The following TMPRSS11F variants were observed in gnomAD, a reference collection of about 807,000 sequenced individuals.
TMPRSS11F encodes transmembrane protease serine 11F.
In TMPRSS11F, 47 loss-of-function variants were observed where a neutral mutation model predicts 60.2. That is an observed-to-expected ratio of 0.78 (90% CI 0.62 to 1.00). The LOEUF is 1.00. TMPRSS11F is among the 50% of genes least tolerant of loss of function. The probability of loss-of-function intolerance (pLI) is 0.00; values close to 1 mark genes in which losing one functional copy is unlikely to be tolerated. For missense variants in TMPRSS11F, 519 were observed against 522.9 expected (o/e 0.99, Z 0.07); for synonymous variants, 166 against 167.3 (o/e 0.99, Z 0.06).
intron 1 of TMPRSS11F, among the ~76,000 whole-genome samples, chr4:68,122,229 G>A (rs142399023): frequency 1.5e-4 from 23 of 152,112 alleles, no homozygotes; most frequent in African/African-American, 5.5e-4. Context: ...AACAATGTAA[G>A]TATTAAACTT....
At chr4:68,127,107 G>A (rs1265988237) in intron 1 of TMPRSS11F, among the ~76,000 whole-genome samples, 1 of 152,062 alleles carries the variant, frequency 6.6e-6, no homozygotes, top group Non-Finnish European at 1.5e-5. Flanking sequence ...AATTTAACCT[G>A]GTGCAAAAGG....
chr4:68,063,032 G>A (rs764208626), intron 8 of TMPRSS11F: 1 of 668,640 alleles, frequency 1.5e-6, no homozygotes, highest in South Asian at 1.4e-5. Context: ...GCTCATTTGG[G>A]AGTCACAGAC....
chr4:68,067,662 A>C (rs1243781112), intron 7 of TMPRSS11F, among the ~76,000 whole-genome samples: 1 of 152,238 alleles, frequency 6.6e-6, no homozygotes, highest in African/African-American at 2.4e-5. Flanking sequence ...GGTAGTTGTA[A>C]ATACACATAT....
At chr4:68,105,941 T>TA (rs11349796) in intron 1 of TMPRSS11F, among the ~76,000 whole-genome samples, 2 of 152,038 alleles carry the variant, frequency 1.3e-5, no homozygotes, top group African/African-American at 2.4e-5. Context: ...AGTCTGAAGG[T>TA]AAAAAAACAC....
At chr4:68,074,137 A>G (rs902140644) in intron 3 of TMPRSS11F, 128 bp from the exon 4 acceptor site, 1 of 517,520 alleles carries the variant, frequency 1.9e-6, no homozygotes, top group Non-Finnish European at 3.3e-6. Flanking sequence ...TGGGCAAAAA[A>G]ATAAAAATAA....
intron 7 of TMPRSS11F, 92 bp from the exon 8 acceptor site, chr4:68,065,036 G>T: frequency 7.8e-7 from 1 of 1,280,746 alleles, no homozygotes; most frequent in Non-Finnish European, 1.1e-6. Flanking sequence ...TCAGTATTAT[G>T]CTCCTGAAAC....
rs900511492 is a variant in TMPRSS11F at position 68,120,369 on chromosome 4, G to T, written c.11+9441C>A. Among the ~76,000 whole-genome samples the T allele has an allele frequency of 2.0e-5, 3 of 147,982 alleles. No homozygotes were observed. In the South Asian group the frequency reaches 6.5e-4, roughly 32 times the overall value. ...CTATCAAACAGCATCACATGCTACA[G>T]AGAAATCTTTTTTTTTTTTTTTTTT... is the stretch of plus-strand genomic sequence containing the variant. On this transcript the variant is annotated intron_variant, in intron 1 of 9. Coordinates refer to ENST00000356291, the MANE Select transcript of TMPRSS11F (RefSeq NM_207407.2).
chr4:68,053,748 C>T lies in TMPRSS11F; in HGVS notation c.*161G>A, dbSNP rs887275209. 3.6e-5 allele frequency: 21 copies of T among 585,750 alleles called. No homozygotes were observed. Among genetic ancestry groups the T allele is most frequent in the Admixed American group, 6.8e-5 (2 of 29,626 alleles). 36.3% of individuals were successfully genotyped at this position (585,750 alleles called of 1,614,324 possible). A position where few individuals can be genotyped will look rare whatever the true frequency, so the allele number is the denominator to read the frequency against. ...TCATGGTAGAGAGGGTTTGGTCCTA[C>T]GTATGTAAAGGCCACCTCAGGATAT... On this transcript the variant is annotated 3_prime_UTR_variant, in exon 10 of 10. Coordinates refer to ENST00000356291, the MANE Select transcript of TMPRSS11F (RefSeq NM_207407.2).
intron 3 of TMPRSS11F, among the ~76,000 whole-genome samples, chr4:68,076,458 T>C (rs546794769): frequency 1.3e-5 from 2 of 152,342 alleles, no homozygotes; most frequent in South Asian, 4.1e-4. Context: ...CACTCTGGTC[T>C]GACAATATCA....
At chr4:68,099,458 C>T (rs1724144699) in intron 1 of TMPRSS11F, among the ~76,000 whole-genome samples, 1 of 152,140 alleles carries the variant, frequency 6.6e-6, no homozygotes, top group African/African-American at 2.4e-5. Flanking sequence ...TAGCACCTCC[C>T]AGTGAAATAA....
intron 1 of TMPRSS11F, among the ~76,000 whole-genome samples, chr4:68,110,023 G>A (rs905579457): frequency 2.0e-5 from 3 of 152,130 alleles, no homozygotes; most frequent in East Asian, 3.8e-4. Flanking sequence ...GCCTTGGGGG[G>A]AAATTCTTTT....
intron 1 of TMPRSS11F, among the ~76,000 whole-genome samples, chr4:68,110,079 T>C (rs1724383118): frequency 6.6e-6 from 1 of 152,214 alleles, no homozygotes; most frequent in African/African-American, 2.4e-5. Flanking sequence ...ACCTGAAGCA[T>C]AGATACACAT....
rs1217821500 is a variant in TMPRSS11F, at chr4:68,064,803, G to C, written c.897C>G (p.Leu299=). 9.3e-6 allele frequency: 15 copies of C among 1,614,048 alleles called. No individual in the cohort carries two copies. Among genetic ancestry groups the C allele is most frequent in the Non-Finnish European group, 1.2e-5 (14 of 1,180,034 alleles). The change falls in exon 8 of 10, where the codon CTC becomes CTG. Residue 299 remains leucine, a synonymous_variant. Coordinates refer to ENST00000356291, the MANE Select transcript of TMPRSS11F (RefSeq NM_207407.2). ...TATTTGAAAACTCAACTCCAGTAGA[G>C]AGCTGAACCAAAGCAATGTCATTTT... ...TNENDIALVQ[L]STGVEFSNIV... is the part of the protein sequence containing the mutation.
intron 2 of TMPRSS11F, 152 bp from the exon 3 acceptor site, chr4:68,090,793 TAATTTCACCACTGCTGCTGGTTA>T: frequency 7.6e-7 from 1 of 1,320,186 alleles, no homozygotes; most frequent in Non-Finnish European, 9.9e-7. Flanking sequence ...AAATACTCTG[TAATTTCACCACTGCTGCTGGTTA>T]AAATAAAAAA....
intron 1 of TMPRSS11F, among the ~76,000 whole-genome samples, chr4:68,120,059 T>C (rs903342397): frequency 2.0e-5 from 3 of 152,108 alleles, no homozygotes; most frequent in African/African-American, 4.8e-5. Flanking sequence ...GCAGATGTAA[T>C]GGAAAAAGCA....
intron 1 of TMPRSS11F, among the ~76,000 whole-genome samples, chr4:68,114,123 G>A (rs1198515543): frequency 6.6e-6 from 1 of 151,760 alleles, no homozygotes; most frequent in Non-Finnish European, 1.5e-5. Context: ...GGCAATGATT[G>A]GGGAAAATTT....
intron 3 of TMPRSS11F, among the ~76,000 whole-genome samples, chr4:68,083,870 C>A (rs1723755694): frequency 1.3e-5 from 2 of 152,072 alleles, no homozygotes. Context: ...AATGTAGAAT[C>A]CGGATAGCAA....
At chr4:68,055,622 C>T (rs953258257) in intron 9 of TMPRSS11F, among the ~76,000 whole-genome samples, 1 of 152,138 alleles carries the variant, frequency 6.6e-6, no homozygotes, top group African/African-American at 2.4e-5. Context: ...CAGATGGCTT[C>T]ACAATTCAAT....
At chr4:68,114,021 T>C (rs566156303) in intron 1 of TMPRSS11F, among the ~76,000 whole-genome samples, 1 of 152,184 alleles carries the variant, frequency 6.6e-6, no homozygotes, top group African/African-American at 2.4e-5. Flanking sequence ...AACAAGCTTC[T>C]AAATGACTTA....
Sources: gnomAD v4.1 joint callset for allele counts (sites outside exome capture counted in the v4.1 genomes callset) on GRCh38, gnomAD v4.1.1 for gene constraint, MANE v1.5 for transcripts, NCBI Gene and HGNC (gene_info 2026-07-23, HGNC 2026-07-21) for gene names.